Variants in DDX43 observed in about 807,000 individuals in gnomAD.
DDX43 encodes probable ATP-dependent RNA helicase DDX43.
In DDX43, 50 loss-of-function variants were observed where a neutral mutation model predicts 84.9. That is an observed-to-expected ratio of 0.59 (90% CI 0.47 to 0.75). DDX43 has a LOEUF of 0.75. DDX43 is among the 30% of genes least tolerant of loss of function. The probability of loss-of-function intolerance (pLI) is 0.00; values close to 1 mark genes in which losing one functional copy is unlikely to be tolerated. For missense variants in DDX43, 689 were observed against 798.6 expected (o/e 0.86, Z 1.65); for synonymous variants, 291 against 266.3 (o/e 1.09, Z -0.90).
rs200791893 is a variant in DDX43 at position 73,412,291 on chromosome 6, T to A, written c.1367T>A (p.Val456Asp). 23 of 1,598,016 alleles carry A rather than the reference T, an allele frequency of 1.4e-5. No homozygotes were observed. Among genetic ancestry groups the A allele is most frequent in the Non-Finnish European group, 2.0e-5 (23 of 1,175,066 alleles). Residue 456 changes from valine (V) to aspartate (D), a missense_variant and splice_region_variant, in exon 11 of 17, where the codon GTT becomes GAT. Coordinates refer to ENST00000370336, the MANE Select transcript of DDX43 (RefSeq NM_018665.3). ...GTCTATGTTGGTACATTGGATCTAG[T>A]TGTAAGCTTTTTTTTATTACTATTG... is the stretch of plus-strand genomic sequence containing the variant. The part of the protein sequence containing the change: ...MIVYVGTLDL[V>D]AVSSVKQNII...
In DDX43 at chr6:73,400,381, A is replaced by G. The variant is rs745768493; in HGVS notation, c.436+18A>G. 3.2e-6 allele frequency: 5 copies of G among 1,586,380 alleles called. No homozygotes were observed. The highest frequency in any genetic ancestry group is 4.3e-6 in the Non-Finnish European group (5 of 1,170,102). On this transcript the variant is annotated intron_variant, in intron 3 of 16. Coordinates refer to ENST00000370336, the MANE Select transcript of DDX43 (RefSeq NM_018665.3). ...CGGAATTGGTAAGTAATTTTCTCCC[A>G]CTGAACCCCTTTAAAAGTTTTTAAT...
In DDX43 at chr6:73,394,866, C is replaced by G; in HGVS notation, c.-40C>G. The G allele has an allele frequency of 1.2e-6, 2 of 1,605,460 alleles. No individual in the cohort carries two copies. The highest frequency in any genetic ancestry group is 1.7e-6 in the Non-Finnish European group (2 of 1,175,662). On this transcript the variant is annotated 5_prime_UTR_variant, in exon 1 of 17. Coordinates refer to ENST00000370336, the MANE Select transcript of DDX43 (RefSeq NM_018665.3). The stretch of plus-strand genomic sequence containing the variant: ...GACGTCACGGTCAGGTGGTGCAGAG[C>G]TGGACGGCAACGACGTCGGACGCGC...
chr6:73,415,519 A>G lies in DDX43; in HGVS notation c.1768A>G (p.Thr590Ala), dbSNP rs1368192300. 6.2e-7 allele frequency: 1 copy of G among 1,613,432 alleles called. No homozygotes were observed. The highest frequency in any genetic ancestry group is 8.5e-7 in the Non-Finnish European group (1 of 1,179,572). ...RAGRTGVSIT[T>A]LTRNDWRVAS... ...AAGGAGGACTGGTGTTTCCATTACA[A>G]CTTTGACTAGAAATGATTGGAGGGT... is the stretch of plus-strand genomic sequence containing the variant. The change falls in exon 15 of 17, where the codon ACT becomes GCT. Residue 590 changes from threonine (T) to alanine (A), a missense_variant. Physicochemically the swap from Thr to Ala is moderately conservative, Grantham distance 58 (BLOSUM62 0). Coordinates refer to ENST00000370336, the MANE Select transcript of DDX43 (RefSeq NM_018665.3).
chr6:73,404,848 A>C, intron 5 of DDX43, 77 bp downstream of exon 5: 1 of 1,126,774 alleles, frequency 8.9e-7, no homozygotes. Flanking sequence ...GGCAAATGTG[A>C]AATGATATTT....
chr6:73,415,772 G>C (rs536641821), intron 15 of DDX43, among the ~76,000 whole-genome samples, 188 bp downstream of exon 15: 1 of 152,274 alleles, frequency 6.6e-6, no homozygotes, highest in East Asian at 1.9e-4. Flanking sequence ...ATGGGGGTGA[G>C]CAATGAAAGC....
chr6:73,414,456 A>G (rs1328317182), intron 13 of DDX43, 92 bp from the exon 14 acceptor site: 1 of 1,093,666 alleles, frequency 9.1e-7, no homozygotes, highest in South Asian at 1.6e-5. Context: ...AAGAAATAAA[A>G]TTGATTAAAT....
intron 5 of DDX43, 134 bp from the exon 6 acceptor site, chr6:73,405,545 A>G (rs867559365): frequency 2.5e-6 from 2 of 815,040 alleles, no homozygotes; most frequent in Non-Finnish European, 3.8e-6. Flanking sequence ...TATGCATTTC[A>G]TTATAACTTC....
chr6:73,404,760 A>C lies in DDX43; in HGVS notation c.639A>C (p.Ala213=), dbSNP rs1275415780. ...CAAGTGCCATGTCAAAAGTAGAAGC[A>C]GATAGTTGGAGGTGGGTAGTTTCAT... ...TATSAMSKVE[A]DSWRKENFNI... The change falls in exon 5 of 17, where the codon GCA becomes GCC. Residue 213 remains alanine (A), a synonymous_variant. Transcript: ENST00000370336. 6.2e-7 allele frequency: 1 copy of C among 1,612,460 alleles called. No homozygotes were observed. The highest frequency in any genetic ancestry group is 8.5e-7 in the Non-Finnish European group (1 of 1,179,212).
At chr6:73,407,719 G>A (rs1769710315) in intron 8 of DDX43, 104 bp downstream of exon 8, 6 of 897,784 alleles carry the variant, frequency 6.7e-6, no homozygotes, top group Admixed American at 4.4e-5. Flanking sequence ...GAATCCAAAT[G>A]GCTCAGCATG....
rs778431706 is a variant in DDX43 at position 73,407,469 on chromosome 6, C to G, written c.927-36C>G. The G allele has an allele frequency of 1.3e-5, 18 of 1,386,012 alleles. 1 individual carries two copies. The South Asian group carries it at 1.9e-4, about 15-fold the overall frequency. The allele number at this position is 1,386,012 out of a possible 1,614,324, so 85.9% of individuals were successfully genotyped here. On this transcript the variant is annotated intron_variant, in intron 7 of 16. Transcript: ENST00000370336. Reference sequence around the variant, plus strand: ...GAATAAATGTACCGTGCATCTGAGACAAGTAATTTAATATTAATCTGTTTT... The same window carrying G: ...GAATAAATGTACCGTGCATCTGAGAGAAGTAATTTAATATTAATCTGTTTT...
At chr6:73,407,812 A>G (rs1288165941) in intron 8 of DDX43, 148 bp from the exon 9 acceptor site, 2 of 826,580 alleles carry the variant, frequency 2.4e-6, no homozygotes, top group Non-Finnish European at 3.8e-6. Context: ...ATACAACATT[A>G]TGGATTGATG....
intron 10 of DDX43, among the ~76,000 whole-genome samples, chr6:73,410,229 C>T (rs1363536193): frequency 1.3e-5 from 2 of 152,166 alleles, no homozygotes; most frequent in Middle Eastern, 3.2e-3. Context: ...TGCAGCAGCG[C>T]GATCTCGGCT....
At position 73,414,085 on chromosome 6, in the gene DDX43, T is replaced by G; in HGVS notation, c.1606+6T>G. 5.3e-6 allele frequency: 8 copies of G among 1,510,684 alleles called. No homozygotes were observed. The highest frequency in any genetic ancestry group is 6.4e-6 in the Non-Finnish European group (7 of 1,086,498). The allele number at this position is 1,510,684 out of a possible 1,614,324, so 93.6% of individuals were successfully genotyped here. On this transcript the variant is annotated splice_donor_region_variant and intron_variant, in intron 13 of 16. Transcript: ENST00000370336. The stretch of plus-strand genomic sequence containing the variant: ...ATTAGAGAACTTTAAAACAGGTATG[T>G]TTATGTAATTAGTATTTCATACAGT...
chr6:73,416,391 C>G, intron 16 of DDX43, 140 bp downstream of exon 16: 1 of 521,570 alleles, frequency 1.9e-6, no homozygotes, highest in Non-Finnish European at 3.5e-6. Flanking sequence ...TTACTTAATC[C>G]TTCTGGGTAT....
chr6:73,402,844 G>C (rs978858307), intron 4 of DDX43, among the ~76,000 whole-genome samples: 4 of 152,180 alleles, frequency 2.6e-5, no homozygotes, highest in Admixed American at 1.3e-4. Flanking sequence ...CTCCCAAAGT[G>C]CTGGGATTAC....
At chr6:73,412,660 TGTGTGTGTGCGCGCGC>T (rs1769814963) in intron 11 of DDX43, among the ~76,000 whole-genome samples, 1 of 89,622 alleles carries the variant, frequency 1.1e-5, no homozygotes, top group African/African-American at 4.0e-5. Context: ...TGTGTGTGTG[TGTGTGTGTGCGCGCGC>T]GCGTGTGTGT....
intron 16 of DDX43, among the ~76,000 whole-genome samples, 167 bp from the exon 17 acceptor site, chr6:73,417,020 C>G (rs540485022): frequency 6.6e-6 from 1 of 152,162 alleles, no homozygotes; most frequent in African/African-American, 2.4e-5. Context: ...GCCTGGACAA[C>G]AGGACGCTGT....
chr6:73,408,126 G>A, intron 9 of DDX43, 25 bp downstream of exon 9: 2 of 1,610,334 alleles, frequency 1.2e-6, no homozygotes, highest in Non-Finnish European at 1.7e-6. Flanking sequence ...AGGGGTTTGA[G>A]ATGCTGGGTT....
Position 73,395,122 on chromosome 6 carries a change from G to C in DDX43, c.217G>C (p.Ala73Pro). The C allele has an allele frequency of 6.2e-7, 1 of 1,613,932 alleles. No individual in the cohort carries two copies. Among genetic ancestry groups the C allele is most frequent in the Non-Finnish European group, 8.5e-7 (1 of 1,179,882 alleles). ...AGHEELPLCF[A>P]LKSHFVGAVI... is the part of the protein sequence containing the mutation. ...TCACGAGGAACTGCCGCTGTGTTTTGCTTTGAAGAGCCACTTTGTTGGCGC... is the reference window on the plus strand; with the variant it reads ...TCACGAGGAACTGCCGCTGTGTTTTCCTTTGAAGAGCCACTTTGTTGGCGC... The change falls in exon 1 of 17, where the codon GCT becomes CCT. Residue 73 changes from alanine to proline, a missense_variant. Physicochemically the swap from Ala to Pro is conservative, Grantham distance 27 (BLOSUM62 -1). Coordinates refer to ENST00000370336, the MANE Select transcript of DDX43 (RefSeq NM_018665.3).
Sources: allele counts gnomAD v4.1 joint callset (sites outside exome capture counted in the v4.1 genomes callset), GRCh38; gene constraint gnomAD v4.1.1; transcripts MANE v1.5; gene names NCBI Gene and HGNC (gene_info 2026-07-23, HGNC 2026-07-21).